Variants in RTL4 observed in about 807,000 individuals in gnomAD.
RTL4 encodes the protein retrotransposon Gag like 4.
In RTL4, 4 loss-of-function variants were observed where a neutral mutation model predicts 5.3. The ratio of observed to expected loss-of-function variants is 0.75; its 90% CI spans 0.37 to 1.72. The LOEUF is 1.72. Ranked by LOEUF, RTL4 falls within the 40% of genes most tolerant of loss-of-function variation. The pLI is 0.04. For missense variants in RTL4, 260 were observed against 227.1 expected (o/e 1.14, Z -0.93); for synonymous variants, 98 against 87.3 (o/e 1.12, Z -0.68).
the RTL4 span, among the ~76,000 whole-genome samples, chrX:112,363,521 T>C: frequency 9.1e-6 from 1 of 110,358 alleles, no homozygotes; most frequent in East Asian, 2.9e-4. Flanking sequence ...TACTCATACT[T>C]ATGAGTATGA....
At chrX:112,204,500 G>A in the RTL4 span, among the ~76,000 whole-genome samples, 1 of 111,995 alleles carries the variant, frequency 8.9e-6, no homozygotes, top group Non-Finnish European at 1.9e-5. Flanking sequence ...AACAGAATGA[G>A]ATCTGGTCAT....
At chrX:112,388,425 C>T in the RTL4 span, among the ~76,000 whole-genome samples, 1 of 112,103 alleles carries the variant, frequency 8.9e-6, no homozygotes, top group African/African-American at 3.2e-5. Flanking sequence ...CCTGATTGCT[C>T]TAGCTAAGAC....
the RTL4 span, among the ~76,000 whole-genome samples, chrX:112,419,600 C>T: frequency 2.2e-3 from 69 of 31,407 alleles, no homozygotes; most frequent in East Asian, 5.4e-3. Context: ...TATATTTTTA[C>T]ATATGTATAT....
the RTL4 span, among the ~76,000 whole-genome samples, chrX:112,273,474 A>C: frequency 9.0e-6 from 1 of 111,034 alleles, no homozygotes; most frequent in African/African-American, 3.3e-5. Flanking sequence ...GGATGGTCTC[A>C]ATCTCCTGAC....
the RTL4 span, among the ~76,000 whole-genome samples, chrX:112,262,920 C>G: frequency 3.8e-5 from 4 of 104,813 alleles, no homozygotes; most frequent in African/African-American, 1.5e-4. Flanking sequence ...TGGAAACCAT[C>G]ATTCTCAGCA....
chrX:112,273,899 C>G, the RTL4 span, among the ~76,000 whole-genome samples: 2 of 112,066 alleles, frequency 1.8e-5, no homozygotes, highest in Non-Finnish European at 3.8e-5. Flanking sequence ...AAAACACTAC[C>G]TGGCACATAG....
the RTL4 span, among the ~76,000 whole-genome samples, chrX:112,351,755 G>A: frequency 9.0e-6 from 1 of 110,862 alleles, no homozygotes; most frequent in East Asian, 2.8e-4. Context: ...TTCAGCCTAT[G>A]TGTGTCTCTG....
At chrX:112,353,517 G>T in the RTL4 span, among the ~76,000 whole-genome samples, 1 of 111,170 alleles carries the variant, frequency 9.0e-6, no homozygotes, top group Non-Finnish European at 1.9e-5. Context: ...AAAATGATGA[G>T]TTCATGTCCA....
At chrX:112,261,292 C>CCCATT in the RTL4 span, among the ~76,000 whole-genome samples, 1 of 111,299 alleles carries the variant, frequency 9.0e-6, no homozygotes, top group African/African-American at 3.3e-5. Flanking sequence ...TTTAGAAAAC[C>CCCATT]GTATCATCTC....
At chrX:112,180,205 A>G in the RTL4 span, among the ~76,000 whole-genome samples, 1 of 111,363 alleles carries the variant, frequency 9.0e-6, no homozygotes, top group East Asian at 2.8e-4. Context: ...AGAAAGGGAG[A>G]AAATTCCCAA....
the RTL4 span, among the ~76,000 whole-genome samples, chrX:112,202,478 G>A: frequency 5.5e-5 from 6 of 109,641 alleles, no homozygotes; most frequent in Non-Finnish European, 9.5e-5. Context: ...AGTTATCTGA[G>A]ATAAATGCCC....
chrX:112,402,661 C>T, the RTL4 span, among the ~76,000 whole-genome samples: 1 of 110,943 alleles, frequency 9.0e-6, no homozygotes, highest in South Asian at 3.8e-4. Flanking sequence ...GCAGCTCCTT[C>T]TTGGGAAATC....
chrX:112,287,917 G>T, the RTL4 span, among the ~76,000 whole-genome samples: 1 of 111,907 alleles, frequency 8.9e-6, no homozygotes, highest in African/African-American at 3.2e-5. Flanking sequence ...AAGATGATTT[G>T]ACAAAGCTTT....
chrX:112,261,142 C>A, the RTL4 span, among the ~76,000 whole-genome samples: 8 of 111,607 alleles, frequency 7.2e-5, no homozygotes, highest in East Asian at 1.1e-3. Flanking sequence ...GCTCTCAAGG[C>A]AGACTAGTTG....
At chrX:112,155,379 G>T in the RTL4 span, among the ~76,000 whole-genome samples, 1 of 111,294 alleles carries the variant, frequency 9.0e-6, no homozygotes, top group African/African-American at 3.3e-5. Context: ...GCCACTGATT[G>T]TTTTCAATAC....
At chrX:112,447,279 G>A in the RTL4 span, among the ~76,000 whole-genome samples, 58,295 of 110,613 alleles carry the variant, frequency 0.53, 12,250 homozygotes, top group African/African-American at 0.79. Flanking sequence ...CCTTCCAGTG[G>A]CTCTAGAAAA....
the RTL4 span, among the ~76,000 whole-genome samples, chrX:112,167,175 G>A: frequency 3.6e-5 from 4 of 112,225 alleles, no homozygotes; most frequent in Non-Finnish European, 7.5e-5. Flanking sequence ...TTCTCAGATT[G>A]TTATGGTCAG....
the RTL4 span, among the ~76,000 whole-genome samples, chrX:112,149,449 A>G: frequency 4.5e-5 from 5 of 111,299 alleles, 1 homozygote; most frequent in Admixed American, 1.9e-4. Flanking sequence ...AGAAGGTGAG[A>G]TTTGAGTAAA....
the RTL4 span, among the ~76,000 whole-genome samples, chrX:112,257,782 A>C: frequency 9.1e-6 from 1 of 109,325 alleles, no homozygotes. Context: ...ACAAACATTC[A>C]GAACATAGCA....
Sources: allele counts gnomAD v4.1 joint callset (sites outside exome capture counted in the v4.1 genomes callset), GRCh38; gene constraint gnomAD v4.1.1; transcripts MANE v1.5; gene names NCBI Gene and HGNC (gene_info 2026-07-23, HGNC 2026-07-21).